Variants in DLG2 observed in about 807,000 individuals in gnomAD.
DLG2 encodes the protein discs large MAGUK scaffold protein 2.
Under a neutral mutation model 132.5 loss-of-function variants are expected in DLG2, and 45 were observed. That is an observed-to-expected ratio of 0.34 (90% CI 0.27 to 0.44). DLG2 has a LOEUF of 0.44. Ranked by LOEUF, DLG2 falls within the 20% of genes least tolerant of loss-of-function variation. DLG2 has a pLI of 1.00. For synonymous variants in DLG2, 424 were observed against 419.6 expected, an observed-to-expected ratio of 1.01 and a Z score of -0.13; for missense variants, 1,045 against 1,196.9, an observed-to-expected ratio of 0.87 and a Z score of 1.87.
intron 7 of DLG2, among the ~76,000 whole-genome samples, chr11:84,431,909 T>C (rs910006962): frequency 6.6e-6 from 1 of 152,142 alleles, no homozygotes. Flanking sequence ...TTTTTAGTAA[T>C]AGATGAAATA....
At chr11:85,458,654 T>C (rs911120752) in intron 3 of DLG2, among the ~76,000 whole-genome samples, 1 of 152,226 alleles carries the variant, frequency 6.6e-6, no homozygotes, top group African/African-American at 2.4e-5. Context: ...TTATTTGTAG[T>C]TGAATTCTTT....
At chr11:84,186,301 T>TATTA (rs2096275014) in intron 8 of DLG2, among the ~76,000 whole-genome samples, 1 of 152,114 alleles carries the variant, frequency 6.6e-6, no homozygotes, top group African/African-American at 2.4e-5. Context: ...ACTATACATA[T>TATTA]ATTAGTATGC....
At chr11:84,959,842 G>A (rs2052283826) in intron 6 of DLG2, among the ~76,000 whole-genome samples, 1 of 152,016 alleles carries the variant, frequency 6.6e-6, no homozygotes, top group African/African-American at 2.4e-5. Context: ...CTTGGGCGTG[G>A]GAGAACTACA....
chr11:83,936,185 C>T (rs2081389322), intron 14 of DLG2, among the ~76,000 whole-genome samples: 1 of 152,198 alleles, frequency 6.6e-6, no homozygotes, highest in Non-Finnish European at 1.5e-5. Context: ...GAATTCTCTA[C>T]AAGAGGGTTG....
In DLG2 at chr11:83,856,618, G is replaced by A. The variant is rs75825266; in HGVS notation, c.1565+17802C>T. ...GACCTTTATTTTCATATGATAGCTG[G>A]CCACATCTATGTCATCTTCTGTAAA... On this transcript the variant is annotated intron_variant, in intron 16 of 27. Transcript: ENST00000376104. Among the ~76,000 whole-genome samples, 712 of 152,112 alleles carry A rather than the reference G, an allele frequency of 4.7e-3. 10 individuals are homozygous for A. The highest frequency in any genetic ancestry group is 0.016 in the African/African-American group (676 of 41,496).
intron 6 of DLG2, among the ~76,000 whole-genome samples, chr11:84,560,567 T>C (rs1296966684): frequency 1.3e-5 from 2 of 152,092 alleles, no homozygotes; most frequent in Non-Finnish European, 2.9e-5. Flanking sequence ...GGCAGATTTG[T>C]TGAGAGAGGA....
At chr11:85,548,238 C>T (rs985327903) in intron 3 of DLG2, among the ~76,000 whole-genome samples, 1 of 152,146 alleles carries the variant, frequency 6.6e-6, no homozygotes, top group African/African-American at 2.4e-5. Flanking sequence ...TTCTGACAGT[C>T]AGGCCCCTCT....
chr11:83,521,875 C>G (rs984498782), intron 21 of DLG2, among the ~76,000 whole-genome samples: 15 of 152,092 alleles, frequency 9.9e-5, no homozygotes, highest in Non-Finnish European at 2.2e-4. Flanking sequence ...CTCCCAAGTC[C>G]CCACCATCCA....
intron 6 of DLG2, among the ~76,000 whole-genome samples, chr11:84,894,341 C>G (rs993457140): frequency 6.6e-6 from 1 of 152,194 alleles, no homozygotes; most frequent in Non-Finnish European, 1.5e-5. Context: ...TCCCTTCCAA[C>G]TTCTCCCACT....
chr11:84,494,963 C>A (rs1404746910), intron 7 of DLG2, among the ~76,000 whole-genome samples: 1 of 152,136 alleles, frequency 6.6e-6, no homozygotes, highest in Non-Finnish European at 1.5e-5. Flanking sequence ...TCTCTTATCA[C>A]TTTCCTGTGC....
rs1012841846 is a variant in DLG2, at chr11:84,247,859, C to A, written c.573+3379G>T. On this transcript the variant is annotated intron_variant, in intron 8 of 27. Transcript: ENST00000376104. The stretch of plus-strand genomic sequence containing the variant: ...ATCAAAAATCAAATTTGCTAATTAG[C>A]AAAATTAATACATTTACTTGCAATG... 2.4e-4 allele frequency among the ~76,000 whole-genome samples: 36 copies of A among 152,028 alleles called. 1 individual carries two copies. The highest frequency in any genetic ancestry group is 8.5e-4 in the African/African-American group (35 of 41,388).
chr11:85,239,142 C>T lies in DLG2; in HGVS notation c.186+46078G>A, dbSNP rs80054835. Among the ~76,000 whole-genome samples, 1,449 of 152,140 alleles carry T rather than the reference C, an allele frequency of 9.5e-3. 20 individuals are homozygous for T. Among genetic ancestry groups the T allele is most frequent in the African/African-American group, 0.032 (1,310 of 41,554 alleles). On this transcript the variant is annotated intron_variant, in intron 4 of 27. Transcript: ENST00000376104. ...ATTTACTGGAGAGATAAACTGCTCA[C>T]ATGGAGATAATGAGGGTTACACTAC...
At chr11:85,428,004 C>G (rs1162236154) in intron 3 of DLG2, among the ~76,000 whole-genome samples, 3 of 152,018 alleles carry the variant, frequency 2.0e-5, no homozygotes, top group Non-Finnish European at 4.4e-5. Context: ...AGACTTTAAA[C>G]CAACAAAGAT....
intron 15 of DLG2, among the ~76,000 whole-genome samples, chr11:83,895,145 CTTTTTTTTT>C (rs11287512): frequency 2.3e-5 from 2 of 87,902 alleles, no homozygotes; most frequent in Non-Finnish European, 4.1e-5. Context: ...GAACTACTGT[CTTTTTTTTT>C]TTTTTTTTTT....
At chr11:83,621,873 C>G (rs1384201109) in intron 19 of DLG2, among the ~76,000 whole-genome samples, 1 of 152,070 alleles carries the variant, frequency 6.6e-6, no homozygotes, top group Admixed American at 6.5e-5. Flanking sequence ...CCACACCTGG[C>G]ATTATGCTCT....
intron 4 of DLG2, among the ~76,000 whole-genome samples, chr11:85,246,592 A>G (rs1253008594): frequency 1.3e-5 from 2 of 151,116 alleles, no homozygotes; most frequent in Non-Finnish European, 3.0e-5. Context: ...AAATAATCCA[A>G]CTACTAGATA....
At chr11:84,813,278 T>C (rs950755053) in intron 6 of DLG2, among the ~76,000 whole-genome samples, 6 of 152,004 alleles carry the variant, frequency 3.9e-5, no homozygotes, top group African/African-American at 1.4e-4. Flanking sequence ...GAGGTTGCCA[T>C]TGAGCACTAA....
chr11:84,079,197 C>T (rs1007465345), intron 10 of DLG2, among the ~76,000 whole-genome samples: 1 of 152,046 alleles, frequency 6.6e-6, no homozygotes, highest in African/African-American at 2.4e-5. Context: ...GTCTATTTCT[C>T]TCAATCTTTT....
chr11:85,307,297 TCAAGA>T (rs1442565069), intron 3 of DLG2, among the ~76,000 whole-genome samples: 1 of 151,612 alleles, frequency 6.6e-6, no homozygotes, highest in Non-Finnish European at 1.5e-5. Flanking sequence ...AATAGAAGAC[TCAAGA>T]CAAGTAATAA....
Sources: gnomAD v4.1 joint callset for allele counts (sites outside exome capture counted in the v4.1 genomes callset) on GRCh38, gnomAD v4.1.1 for gene constraint, MANE v1.5 for transcripts, NCBI Gene and HGNC (gene_info 2026-07-23, HGNC 2026-07-21) for gene names.